The following PIK3R1 variants were observed in gnomAD, a reference collection of about 807,000 sequenced individuals.
PIK3R1 encodes phosphoinositide-3-kinase regulatory subunit 1, also known as phosphatidylinositol 3-kinase regulatory subunit alpha.
A neutral mutation model predicts 98.0 loss-of-function variants in PIK3R1; 29 were observed. The observed-to-expected ratio is 0.30, with a 90% confidence interval of 0.22 to 0.40. The LOEUF (loss-of-function observed/expected upper bound fraction) is 0.40, where lower values mean the gene tolerates loss of function less well. PIK3R1 is among the 10% of genes least tolerant of loss of function. The pLI, the probability that PIK3R1 is intolerant of heterozygous loss-of-function variation, is 1.00. For synonymous variants in PIK3R1, 282 were observed against 311.8 expected, an observed-to-expected ratio of 0.90 and a Z score of 1.01; for missense variants, 596 against 872.7, an observed-to-expected ratio of 0.68 and a Z score of 3.99.
At chr5:68,261,083 G>A (rs76902460) in intron 2 of PIK3R1, among the ~76,000 whole-genome samples, 2,012 of 152,106 alleles carry the variant, frequency 0.013, 25 homozygotes, top group Middle Eastern at 0.017. Flanking sequence ...AGTAATTTTC[G>A]CTTGGTGCCA....
intron 12 of PIK3R1, 61 bp downstream of exon 12, chr5:68,294,739 A>G: frequency 1.7e-6 from 2 of 1,184,416 alleles, no homozygotes; most frequent in Middle Eastern, 2.3e-4. Context: ...CCATTTAAAG[A>G]TGATCTCGCT....
rs1747974371 is a variant in PIK3R1, at chr5:68,300,398, C to T, written c.*2797C>T. ...CTGAACGGCTGAATATGAATAGATA[C>T]AGCAGAGGCACTCCTGATATATGAT... On this transcript the variant is annotated 3_prime_UTR_variant, in exon 16 of 16. Coordinates refer to ENST00000521381, the MANE Select transcript of PIK3R1 (RefSeq NM_181523.3). 1 of 232,808 alleles carries T rather than the reference C, an allele frequency of 4.3e-6. No individual in the cohort carries two copies. The highest frequency in any genetic ancestry group is 8.5e-6 in the Non-Finnish European group (1 of 117,874). The allele number at this position is 232,808 out of a possible 1,614,324, so 14.4% of individuals were successfully genotyped here. A position where few individuals can be genotyped will look rare whatever the true frequency, so the allele number is the denominator to read the frequency against.
chr5:68,291,963 C>CAG (rs1396858516), intron 7 of PIK3R1: 4 of 231,562 alleles, frequency 1.7e-5, no homozygotes, highest in Non-Finnish European at 3.4e-5. Context: ...TCTAGAAGTA[C>CAG]AGAATGTCAT....
At chr5:68,216,187 C>T (rs1429053245) in intron 1 of PIK3R1, among the ~76,000 whole-genome samples, 1 of 152,172 alleles carries the variant, frequency 6.6e-6, no homozygotes, top group Non-Finnish European at 1.5e-5. Flanking sequence ...TCCTGACTCC[C>T]GTTTCCCCCG....
chr5:68,229,077 C>T (rs1281286005), intron 2 of PIK3R1, among the ~76,000 whole-genome samples: 1 of 151,208 alleles, frequency 6.6e-6, no homozygotes, highest in Non-Finnish European at 1.5e-5. Flanking sequence ...AGTATTAGAG[C>T]CTGAATATAA....
At chr5:68,285,401 A>G (rs1747036034) in intron 7 of PIK3R1, among the ~76,000 whole-genome samples, 1 of 152,220 alleles carries the variant, frequency 6.6e-6, no homozygotes, top group South Asian at 2.1e-4. Flanking sequence ...TGACATTCAA[A>G]GAGTTTTACT....
intron 2 of PIK3R1, among the ~76,000 whole-genome samples, chr5:68,261,286 T>C (rs1304536623): frequency 6.6e-6 from 1 of 152,220 alleles, no homozygotes; most frequent in African/African-American, 2.4e-5. Context: ...TTTTAGGACA[T>C]CTAGTTAAAC....
At position 68,293,741 on chromosome 5, in the gene PIK3R1, T is replaced by C. The variant is rs1230274577; in HGVS notation, c.1332T>C (p.Ala444=). The C allele has an allele frequency of 5.3e-6, 8 of 1,504,126 alleles. No homozygotes were observed. In the South Asian group the frequency reaches 5.9e-5, roughly 11 times the overall value. The allele number at this position is 1,504,126 out of a possible 1,614,324, so 93.2% of individuals were successfully genotyped here. A position where few individuals can be genotyped will look rare whatever the true frequency, so the allele number is the denominator to read the frequency against. The change falls in exon 11 of 16, where the codon GCT becomes GCC. Residue 444 remains alanine, a synonymous_variant. Coordinates refer to ENST00000521381, the MANE Select transcript of PIK3R1 (RefSeq NM_181523.3). ...DQVVKEDNIE[A]VGKKLHEYNT... is the part of the protein sequence containing the mutation. Reference sequence around the variant, plus strand: ...TTGTCAAAGAAGATAATATTGAAGCTGTAGGGAAAAAATTACATGAATATA... The same window carrying C: ...TTGTCAAAGAAGATAATATTGAAGCCGTAGGGAAAAAATTACATGAATATA...
In PIK3R1 at chr5:68,298,913, G is replaced by C. The variant is rs903721119; in HGVS notation, c.*1312G>C. On this transcript the variant is annotated 3_prime_UTR_variant, in exon 16 of 16. Coordinates refer to ENST00000521381, the MANE Select transcript of PIK3R1 (RefSeq NM_181523.3). ...GGATGTATCAAGTGGGGTGGTGGGA[G>C]GGGGAGGCAAGGTTATATGCACTTT... The C allele has an allele frequency of 1.3e-5, 3 of 233,232 alleles. No individual in the cohort carries two copies. Among genetic ancestry groups the C allele is most frequent in the African/African-American group, 2.2e-5 (1 of 45,266 alleles). 14.4% of individuals were successfully genotyped at this position (233,232 alleles called of 1,614,324 possible). A position where few individuals can be genotyped will look rare whatever the true frequency, so the allele number is the denominator to read the frequency against.
chr5:68,240,885 A>G (rs565332760), intron 2 of PIK3R1, among the ~76,000 whole-genome samples: 156 of 152,318 alleles, frequency 1.0e-3, no homozygotes, highest in South Asian at 2.3e-3. Flanking sequence ...TTTCCAAAAT[A>G]CAAAACCACT....
chr5:68,292,817 AC>A, intron 8 of PIK3R1: 1 of 1,034,264 alleles, frequency 9.7e-7, no homozygotes, highest in Non-Finnish European at 1.3e-6. Flanking sequence ...AAAACTTAGT[AC>A]CACAGATACA....
intron 7 of PIK3R1, among the ~76,000 whole-genome samples, chr5:68,282,154 C>T (rs1338197529): frequency 1.3e-5 from 2 of 151,918 alleles, no homozygotes; most frequent in African/African-American, 4.8e-5. Context: ...ACAGGGGTGC[C>T]CAGAATTCTA....
chr5:68,242,076 A>C (rs1744891816), intron 2 of PIK3R1, among the ~76,000 whole-genome samples: 1 of 152,258 alleles, frequency 6.6e-6, no homozygotes, highest in Non-Finnish European at 1.5e-5. Flanking sequence ...GAAGAATACG[A>C]AGTATCACAG....
Position 68,297,396 on chromosome 5 carries a change from C to T in PIK3R1, c.1986-16C>T, listed in dbSNP as rs767637406. 11 of 1,596,072 alleles carry T rather than the reference C, an allele frequency of 6.9e-6. No homozygotes were observed. Among genetic ancestry groups the T allele is most frequent in the Non-Finnish European group, 9.4e-6 (11 of 1,170,806 alleles). On this transcript the variant is annotated splice_polypyrimidine_tract_variant and intron_variant, in intron 15 of 15. Transcript: ENST00000521381. ...TGGACAAGCTCAAAAGACAGTTTTT[C>T]TTCTCTCCTCTCTAGGGTGGACGGC... is the stretch of plus-strand genomic sequence containing the variant.
chr5:68,278,980 A>G (rs1001293411), intron 4 of PIK3R1, among the ~76,000 whole-genome samples: 4 of 152,052 alleles, frequency 2.6e-5, no homozygotes, highest in African/African-American at 9.7e-5. Context: ...TCTGGAGGCT[A>G]GAAGTCCGAG....
chr5:68,245,721 A>G (rs542293493), intron 2 of PIK3R1, among the ~76,000 whole-genome samples: 1 of 152,370 alleles, frequency 6.6e-6, no homozygotes, highest in African/African-American at 2.4e-5. Context: ...AGACTTAAGC[A>G]ATGCATTTAA....
intron 15 of PIK3R1, among the ~76,000 whole-genome samples, chr5:68,296,616 A>C (rs2112285880): frequency 6.6e-6 from 1 of 151,622 alleles, no homozygotes; most frequent in South Asian, 2.1e-4. Flanking sequence ...GAAATCGCCA[A>C]GTCTTTTTTT....
chr5:68,263,575 G>C (rs1336275158), intron 2 of PIK3R1, among the ~76,000 whole-genome samples: 1 of 151,952 alleles, frequency 6.6e-6, no homozygotes, highest in Admixed American at 6.6e-5. Context: ...AATCACCTTT[G>C]TCTGAAGTAG....
chr5:68,271,657 T>C, intron 2 of PIK3R1, among the ~76,000 whole-genome samples: 1 of 152,222 alleles, frequency 6.6e-6, no homozygotes, highest in East Asian at 1.9e-4. Flanking sequence ...CATTGCTTTA[T>C]CAGAGAGCAC....
Sources: gnomAD v4.1 joint callset for allele counts (sites outside exome capture counted in the v4.1 genomes callset) on GRCh38, gnomAD v4.1.1 for gene constraint, MANE v1.5 for transcripts, NCBI Gene and HGNC (gene_info 2026-07-23, HGNC 2026-07-21) for gene names.